The following PCDHA3 variants were observed in gnomAD, a reference collection of about 807,000 sequenced individuals.
The protein encoded by PCDHA3 is protocadherin alpha-3.
PCDHA3 carries 41 observed loss-of-function variants against 62.2 expected under a neutral mutation model. That is an observed-to-expected ratio of 0.66 (90% CI 0.51 to 0.86). PCDHA3 has a LOEUF of 0.86. Among genes scored for constraint, PCDHA3 ranks in the 40% least tolerant of loss-of-function variants. The pLI is 0.00. For synonymous variants in PCDHA3, 640 were observed against 555.4 expected (o/e 1.15, Z -2.14); for missense variants, 1,304 against 1,241.2 (o/e 1.05, Z -0.76).
chr5:140,877,350 G>A (rs376513441), intron 1 of PCDHA3: 2 of 1,613,896 alleles, frequency 1.2e-6, no homozygotes, highest in African/African-American at 1.3e-5. Flanking sequence ...ACGTGGGGCT[G>A]TACACTGGCG....
intron 3 of PCDHA3, among the ~76,000 whole-genome samples, chr5:140,991,894 C>T (rs1426754578): frequency 6.6e-6 from 1 of 152,164 alleles, no homozygotes; most frequent in Non-Finnish European, 1.5e-5. Context: ...AACAAATTAA[C>T]ACAAAATCCC....
chr5:140,966,709 G>C, intron 1 of PCDHA3: 1 of 1,387,174 alleles, frequency 7.2e-7, no homozygotes. Context: ...CGTGGGGCAC[G>C]GCTGGGGAAG....
chr5:140,999,568 G>A (rs1554256885), intron 3 of PCDHA3, among the ~76,000 whole-genome samples: 1 of 152,084 alleles, frequency 6.6e-6, no homozygotes, highest in Non-Finnish European at 1.5e-5. Context: ...TTTGAGAAGA[G>A]ACTATAAAGG....
At chr5:140,877,030 C>G (rs1554169262) in intron 1 of PCDHA3, 5 of 1,612,300 alleles carry the variant, frequency 3.1e-6, no homozygotes, top group Non-Finnish European at 3.4e-6. Context: ...GGTGTACGCG[C>G]TGCAGCCGCT....
At chr5:140,858,790 AT>A in intron 1 of PCDHA3, 1 of 388,116 alleles carries the variant, frequency 2.6e-6, no homozygotes. Context: ...ATGTTATTTC[AT>A]TTCCAATCTA....
At chr5:140,823,677 C>T (rs1767833513) in intron 1 of PCDHA3, 3 of 1,613,930 alleles carry the variant, frequency 1.9e-6, no homozygotes, top group South Asian at 1.1e-5. Flanking sequence ...GCACAACACG[C>T]TCTCTGGATG....
rs150463901 is a variant in PCDHA3, at chr5:140,882,560, C to A, written c.2394+78969C>A. 1.3e-3 allele frequency: 2,163 copies of A among 1,614,168 alleles called. 36 individuals carry two copies. Among genetic ancestry groups the A allele is most frequent in the Admixed American group, 1.6e-3 (95 of 60,010 alleles). ...GATCGACCGCGAGGAGCTGTGTGGG[C>A]GGAGCGCGGAGTGCAGCATCCACCT... On this transcript the variant is annotated intron_variant, in intron 1 of 3. Coordinates refer to ENST00000522353, the MANE Select transcript of PCDHA3 (RefSeq NM_018906.3).
chr5:140,902,798 T>C (rs1554190660), intron 1 of PCDHA3, among the ~76,000 whole-genome samples: 1 of 152,156 alleles, frequency 6.6e-6, no homozygotes, highest in Admixed American at 6.5e-5. Context: ...CACTTGTATG[T>C]GAGAATATAC....
At chr5:140,852,693 C>G in intron 1 of PCDHA3, 2 of 973,482 alleles carry the variant, frequency 2.1e-6, no homozygotes, top group Non-Finnish European at 2.5e-6. Flanking sequence ...TAGTCTTATA[C>G]TTTCAAGTAT....
Position 140,803,857 on chromosome 5 carries a change from G to A in PCDHA3, c.2394+266G>A, listed in dbSNP as rs1763293072. On this transcript the variant is annotated intron_variant, in intron 1 of 3. Coordinates refer to ENST00000522353, the MANE Select transcript of PCDHA3 (RefSeq NM_018906.3). ...GAATTATTTTATTGCTAAATGCCTG[G>A]GTATAAGACAAATATTTTTTCTTAG... 4.2e-5 allele frequency: 24 copies of A among 572,350 alleles called. No individual in the cohort carries two copies. In the South Asian group the frequency reaches 5.7e-4, roughly 14 times the overall value. The allele number at this position is 572,350 out of a possible 1,614,324, so 35.5% of individuals were successfully genotyped here.
At chr5:140,884,317 G>C (rs1401667312) in intron 1 of PCDHA3, 15 of 1,613,780 alleles carry the variant, frequency 9.3e-6, no homozygotes, top group Non-Finnish European at 1.3e-5. Context: ...CGAGGGCGTC[G>C]GCAGGCGCTG....
rs2150485669 is a variant in PCDHA3, at chr5:140,850,474, C to T, written c.2394+46883C>T. On this transcript the variant is annotated intron_variant, in intron 1 of 3. Coordinates refer to ENST00000522353, the MANE Select transcript of PCDHA3 (RefSeq NM_018906.3). ...AAAGACCACGGGGAGCCAGCGCTGA[C>T]GGCCACGGCCACTGTGCTGGTGTCG... 7.5e-6 allele frequency: 12 copies of T among 1,597,644 alleles called. 2 individuals are homozygous for T. In the South Asian group the frequency reaches 1.1e-4, roughly 15 times the overall value.
At chr5:140,909,082 G>T (rs1190064294) in intron 1 of PCDHA3, among the ~76,000 whole-genome samples, 2 of 152,184 alleles carry the variant, frequency 1.3e-5, no homozygotes, top group Non-Finnish European at 2.9e-5. Context: ...CAGTGTGTTT[G>T]CTACTTCTCA....
intron 1 of PCDHA3, among the ~76,000 whole-genome samples, chr5:140,970,929 G>A (rs537614286): frequency 1.4e-4 from 22 of 152,192 alleles, no homozygotes; most frequent in Non-Finnish European, 2.9e-4. Flanking sequence ...AGTGCCTGGT[G>A]TTAGTCAATG....
At chr5:140,886,923 A>G (rs2061226884) in intron 1 of PCDHA3, among the ~76,000 whole-genome samples, 1 of 151,812 alleles carries the variant, frequency 6.6e-6, no homozygotes, top group Non-Finnish European at 1.5e-5. Context: ...AGTGTTCTCT[A>G]TGTGCCAGGC....
chr5:140,887,043 A>G (rs1459489169), intron 1 of PCDHA3, among the ~76,000 whole-genome samples: 1 of 151,986 alleles, frequency 6.6e-6, no homozygotes, highest in Admixed American at 6.6e-5. Context: ...TATTTTTTAT[A>G]GTGCATATGT....
At chr5:141,003,087 G>T (rs894210434) in intron 3 of PCDHA3, among the ~76,000 whole-genome samples, 2 of 152,198 alleles carry the variant, frequency 1.3e-5, no homozygotes, top group African/African-American at 4.8e-5. Context: ...AGTTTAACAG[G>T]CCTGGCATTT....
rs1762915855 is a variant in PCDHA3, at chr5:140,802,443, G to A, written c.1246G>A (p.Glu416Lys). 6.2e-7 allele frequency: 1 copy of A among 1,614,106 alleles called. No homozygotes were observed. The highest frequency in any genetic ancestry group is 1.7e-5 in the Admixed American group (1 of 60,012). Residue 416 changes from glutamate to lysine, a missense_variant, in exon 1 of 4, where the codon GAG (glutamate) becomes AAG (lysine). Transcript: ENST00000522353. The stretch of plus-strand genomic sequence containing the variant: ...GGTGCTGGACAGCCCTCTGGACCGC[G>A]AGAGCGTGTCGGCCTATGAGCTGGT... ...SLVLDSPLDR[E>K]SVSAYELVVT...
chr5:140,983,548 T>C (rs1479703561), intron 3 of PCDHA3, among the ~76,000 whole-genome samples: 1 of 152,212 alleles, frequency 6.6e-6, no homozygotes, highest in African/African-American at 2.4e-5. Context: ...GTCTCATTTA[T>C]TCCTTAAGTC....
Sources: gnomAD v4.1 joint callset for allele counts (sites outside exome capture counted in the v4.1 genomes callset) on GRCh38, gnomAD v4.1.1 for gene constraint, MANE v1.5 for transcripts, NCBI Gene and HGNC (gene_info 2026-07-23, HGNC 2026-07-21) for gene names.